The following CAMK2D variants were observed in gnomAD, a reference collection of about 807,000 sequenced individuals.
CAMK2D encodes the protein calcium/calmodulin-dependent protein kinase type II subunit delta.
A neutral mutation model predicts 84.0 loss-of-function variants in CAMK2D; 37 were observed. The ratio of observed to expected loss-of-function variants is 0.44; its 90% CI spans 0.34 to 0.58. The LOEUF (loss-of-function observed/expected upper bound fraction) is 0.58. CAMK2D is among the 20% of genes least tolerant of loss of function. The probability of loss-of-function intolerance (pLI) is 0.02; values close to 1 mark genes in which losing one functional copy is unlikely to be tolerated. For missense variants in CAMK2D, 448 were observed against 652.5 expected, an observed-to-expected ratio of 0.69 and a Z score of 3.41; for synonymous variants, 202 against 212.5, an observed-to-expected ratio of 0.95 and a Z score of 0.43.
At chr4:113,526,451 T>G (rs1024915949) in intron 8 of CAMK2D, among the ~76,000 whole-genome samples, 1 of 150,772 alleles carries the variant, frequency 6.6e-6, no homozygotes, top group Non-Finnish European at 1.5e-5. Context: ...TGTGCATGCA[T>G]GTATGCACAT....
chr4:113,732,343 G>A (rs1178675127), intron 2 of CAMK2D, among the ~76,000 whole-genome samples: 1 of 151,780 alleles, frequency 6.6e-6, no homozygotes, highest in Non-Finnish European at 1.5e-5. Context: ...GGCTGGTCTT[G>A]AACTCCTGGC....
chr4:113,541,569 T>A (rs981508466), intron 6 of CAMK2D, among the ~76,000 whole-genome samples: 1 of 152,172 alleles, frequency 6.6e-6, no homozygotes, highest in African/African-American at 2.4e-5. Flanking sequence ...ATTAGGAATA[T>A]ATATGTAAAA....
intron 2 of CAMK2D, among the ~76,000 whole-genome samples, chr4:113,705,838 T>C: frequency 6.6e-6 from 1 of 152,132 alleles, no homozygotes; most frequent in Non-Finnish European, 1.5e-5. Flanking sequence ...GCATCAAGAA[T>C]GCAAAGAAGA....
chr4:113,745,731 T>C (rs755494696), intron 2 of CAMK2D, among the ~76,000 whole-genome samples: 1 of 152,210 alleles, frequency 6.6e-6, no homozygotes, highest in East Asian at 1.9e-4. Context: ...AAGCAGGATA[T>C]AAAATGTTTT....
intron 18 of CAMK2D, 71 bp downstream of exon 18, chr4:113,460,076 A>G (rs1029688225): frequency 1.8e-5 from 16 of 892,092 alleles, no homozygotes; most frequent in Middle Eastern, 2.3e-4. Context: ...AAAGAGCAAA[A>G]TAATCTGCAA....
intron 2 of CAMK2D, among the ~76,000 whole-genome samples, chr4:113,673,716 G>C (rs1430742287): frequency 1.3e-5 from 2 of 152,214 alleles, no homozygotes; most frequent in Non-Finnish European, 2.9e-5. Context: ...GAGGAAGTCA[G>C]GTGACAAAGA....
chr4:113,608,784 C>A lies in CAMK2D; in HGVS notation c.275+368G>T, dbSNP rs540495880. Reference sequence around the variant, plus strand: ...GGTAATCCAAGTTTCTTCCTTGAGTCTTCTTTTTACTTTAAGATAATAAAT... The same window carrying A: ...GGTAATCCAAGTTTCTTCCTTGAGTATTCTTTTTACTTTAAGATAATAAAT... On this transcript the variant is annotated intron_variant, in intron 4 of 20. Transcript: ENST00000511664. Among the ~76,000 whole-genome samples the A allele has an allele frequency of 3.3e-5, 5 of 152,210 alleles. No homozygotes were observed. The South Asian group carries it at 1.0e-3, about 32-fold the overall frequency.
At chr4:113,500,706 G>T (rs780418172) in intron 15 of CAMK2D, among the ~76,000 whole-genome samples, 195 bp from the exon 16 acceptor site, 1 of 152,000 alleles carries the variant, frequency 6.6e-6, no homozygotes, top group Non-Finnish European at 1.5e-5. Context: ...CATTTCAAAC[G>T]GAGTACTCTG....
chr4:113,659,411 T>TA (rs1387272346), intron 3 of CAMK2D, among the ~76,000 whole-genome samples: 2 of 152,236 alleles, frequency 1.3e-5, no homozygotes, highest in African/African-American at 4.8e-5. Flanking sequence ...CTAATCCTGA[T>TA]AGCACACTTC....
At chr4:113,702,085 G>T (rs2099419512) in intron 2 of CAMK2D, among the ~76,000 whole-genome samples, 1 of 152,134 alleles carries the variant, frequency 6.6e-6, no homozygotes, top group African/African-American at 2.4e-5. Context: ...CATCCTTCAA[G>T]ATCCCCTCTA....
chr4:113,520,732 T>G lies in CAMK2D; in HGVS notation c.602-3075A>C, dbSNP rs149737224. On this transcript the variant is annotated intron_variant, in intron 8 of 20. Coordinates refer to ENST00000511664, the MANE Select transcript of CAMK2D (RefSeq NM_001321571.2). ...ACTGCCTACATAATTTTACTGGGGT[T>G]GCAAAATAATGATGGCTGGGCATGG... 9.9e-5 allele frequency among the ~76,000 whole-genome samples: 15 copies of G among 152,154 alleles called. No individual in the cohort carries two copies. In the East Asian group the frequency reaches 2.9e-3, roughly 30 times the overall value.
chr4:113,688,435 T>G (rs985859657), intron 2 of CAMK2D, among the ~76,000 whole-genome samples: 1 of 152,200 alleles, frequency 6.6e-6, no homozygotes, highest in African/African-American at 2.4e-5. Context: ...TACTTGACAT[T>G]AAAAATGGCA....
chr4:113,629,309 T>C (rs1463811116), intron 3 of CAMK2D, among the ~76,000 whole-genome samples: 1 of 152,102 alleles, frequency 6.6e-6, no homozygotes, highest in East Asian at 1.9e-4. Flanking sequence ...CAACCATTTT[T>C]GCCATAGTCA....
chr4:113,692,793 A>T (rs956051139), intron 2 of CAMK2D, among the ~76,000 whole-genome samples: 46 of 151,676 alleles, frequency 3.0e-4, no homozygotes, highest in African/African-American at 1.1e-3. Flanking sequence ...GTGTGTGTGT[A>T]TCTATCTACC....
chr4:113,500,487 T>C lies in CAMK2D; in HGVS notation c.1111A>G (p.Thr371Ala). The part of the protein sequence containing the change: ...NKESTESSNT[T>A]IEDEDVKARK... ...CCTTTCACATCTTCATCCTCAATTG[T>C]TGTATTTGAACTCTCAGTTGACTCC... The change falls in exon 16 of 21, where the codon ACA becomes GCA. Residue 371 changes from threonine (T) to alanine (A), a missense_variant. Physicochemically the swap from Thr to Ala is moderately conservative, Grantham distance 58 (BLOSUM62 0). Transcript: ENST00000511664. 4 of 1,603,076 alleles carry C rather than the reference T, an allele frequency of 2.5e-6. No homozygotes were observed. Among genetic ancestry groups the C allele is most frequent in the Non-Finnish European group, 3.4e-6 (4 of 1,171,916 alleles).
chr4:113,521,865 G>C (rs1038885827), intron 8 of CAMK2D, among the ~76,000 whole-genome samples: 4 of 152,274 alleles, frequency 2.6e-5, no homozygotes, highest in African/African-American at 9.6e-5. Context: ...GGAGGAAATA[G>C]ATGAAATAAG....
chr4:113,491,840 A>G (rs1162445720), intron 16 of CAMK2D, among the ~76,000 whole-genome samples: 2 of 151,730 alleles, frequency 1.3e-5, no homozygotes, highest in Non-Finnish European at 1.5e-5. Context: ...GTCTATTCAG[A>G]GATTCAACTT....
chr4:113,686,953 G>A (rs940818304), intron 2 of CAMK2D, among the ~76,000 whole-genome samples: 1 of 151,754 alleles, frequency 6.6e-6, no homozygotes, highest in African/African-American at 2.4e-5. Flanking sequence ...AGGTAGAAGG[G>A]ACCAAAAAAT....
intron 17 of CAMK2D, among the ~76,000 whole-genome samples, chr4:113,463,593 C>T (rs2097420113): frequency 6.6e-6 from 1 of 152,196 alleles, no homozygotes; most frequent in African/African-American, 2.4e-5. Context: ...TCAGGCTGGT[C>T]TTGAACTTCC....
Sources: gnomAD v4.1 joint callset for allele counts (sites outside exome capture counted in the v4.1 genomes callset) on GRCh38, gnomAD v4.1.1 for gene constraint, MANE v1.5 for transcripts, NCBI Gene and HGNC (gene_info 2026-07-23, HGNC 2026-07-21) for gene names.